Variants in ANKS1B observed in about 807,000 individuals in gnomAD.
ANKS1B encodes the protein ankyrin repeat and sterile alpha motif domain-containing protein 1B.
A neutral mutation model predicts 148.3 loss-of-function variants in ANKS1B; 36 were observed. The ratio of observed to expected loss-of-function variants is 0.24; its 90% confidence interval spans 0.19 to 0.32. The LOEUF is 0.32. Ranked by LOEUF, ANKS1B falls within the 10% of genes least tolerant of loss-of-function variation. The pLI, the probability that ANKS1B is intolerant of heterozygous loss-of-function variation, is 1.00. For synonymous variants in ANKS1B, 542 were observed against 560.8 expected (o/e 0.97, Z 0.47); for missense variants, 1,157 against 1,542.6 (o/e 0.75, Z 4.19).
intron 9 of ANKS1B, among the ~76,000 whole-genome samples, chr12:99,614,223 C>A (rs986025849): frequency 2.6e-5 from 4 of 151,910 alleles, no homozygotes; most frequent in African/African-American, 9.7e-5. Context: ...TCACCTGAGG[C>A]TGAGAGTTCG....
chr12:99,341,138 T>C (rs1485775319), intron 12 of ANKS1B: 1 of 152,138 alleles, frequency 6.6e-6, no homozygotes, highest in African/African-American at 2.4e-5. Context: ...GTCACAGTCT[T>C]TGTGTTCAGG....
intron 22 of ANKS1B, chr12:98,795,656 A>C (rs2098941570): frequency 2.2e-6 from 1 of 452,552 alleles, no homozygotes; most frequent in Non-Finnish European, 4.4e-6. Flanking sequence ...ACATAAAATA[A>C]GCCATTTAAA....
intron 10 of ANKS1B, among the ~76,000 whole-genome samples, chr12:99,487,690 T>A (rs1046649259): frequency 6.6e-6 from 1 of 152,160 alleles, no homozygotes; most frequent in Non-Finnish European, 1.5e-5. Flanking sequence ...ATATTATGAT[T>A]TCAGATTGTG....
chr12:98,830,688 A>C (rs80053198), intron 18 of ANKS1B, among the ~76,000 whole-genome samples: 267 of 152,292 alleles, frequency 1.8e-3, no homozygotes, highest in African/African-American at 6.3e-3. Context: ...GAAGCAAGCA[A>C]GTGCAGGACA....
At chr12:98,968,250 A>T (rs78954644) in intron 17 of ANKS1B, among the ~76,000 whole-genome samples, 5,254 of 152,284 alleles carry the variant, frequency 0.035, 252 homozygotes, top group African/African-American at 0.11. Flanking sequence ...CTACTGCTCC[A>T]GACTAGTAGT....
rs774763118 is a variant in ANKS1B, at chr12:98,781,217, T to G, written c.3355-14A>C. Reference sequence around the variant, plus strand: ...CTCTGTAGACTTCTGAAATTAAAATTAGAAAGCTGTTAGAGCAGTTTGTGT... The same window carrying G: ...CTCTGTAGACTTCTGAAATTAAAATGAGAAAGCTGTTAGAGCAGTTTGTGT... On this transcript the variant is annotated splice_polypyrimidine_tract_variant and intron_variant, in intron 23 of 26. Transcript: ENST00000683438. The G allele has an allele frequency of 1.3e-6, 2 of 1,534,384 alleles. No homozygotes were observed. The highest frequency in any genetic ancestry group is 1.9e-5 in the Admixed American group (1 of 52,370).
chr12:99,653,452 A>G (rs901984571), intron 9 of ANKS1B, among the ~76,000 whole-genome samples: 8 of 152,298 alleles, frequency 5.3e-5, no homozygotes, highest in Middle Eastern at 3.4e-3. Context: ...GTAAGCTAAT[A>G]AAATACAACT....
At position 99,425,117 on chromosome 12, in the gene ANKS1B, A is replaced by G. The variant is rs1469213945; in HGVS notation, c.1575+18556T>C. On this transcript the variant is annotated intron_variant, in intron 11 of 26. Transcript: ENST00000683438. ...CACAAGTCATTCATTGCTCAATTAA[A>G]TTCCTTTCAATTTAATTCGGCTAAA... Among the ~76,000 whole-genome samples, 2 of 151,898 alleles carry G rather than the reference A, an allele frequency of 1.3e-5. 1 individual carries two copies. Among genetic ancestry groups the G allele is most frequent in the Non-Finnish European group, 2.9e-5 (2 of 67,892 alleles).
chr12:99,339,490 C>T (rs1307115954), intron 12 of ANKS1B, among the ~76,000 whole-genome samples: 3 of 152,070 alleles, frequency 2.0e-5, no homozygotes, highest in Non-Finnish European at 4.4e-5. Context: ...TGTGATTGCT[C>T]ACCTAAATTT....
intron 8 of ANKS1B, among the ~76,000 whole-genome samples, chr12:99,708,910 T>G (rs1237187147): frequency 6.6e-6 from 1 of 152,180 alleles, no homozygotes; most frequent in Admixed American, 6.5e-5. Flanking sequence ...AATTGGAAGC[T>G]GTTCGTCTGT....
chr12:99,757,093 G>A (rs1220340168), intron 8 of ANKS1B, among the ~76,000 whole-genome samples: 1 of 152,024 alleles, frequency 6.6e-6, no homozygotes, highest in African/African-American at 2.4e-5. Context: ...AGCAAAAATT[G>A]ACAAATGGGA....
intron 9 of ANKS1B, among the ~76,000 whole-genome samples, chr12:99,589,889 G>C (rs555852811): frequency 1.3e-5 from 2 of 152,134 alleles, no homozygotes; most frequent in Admixed American, 1.3e-4. Context: ...ACCCTGATTT[G>C]ACTATGACAC....
chr12:99,004,550 C>A (rs538253858), intron 17 of ANKS1B, among the ~76,000 whole-genome samples: 16 of 151,962 alleles, frequency 1.1e-4, no homozygotes, highest in African/African-American at 3.4e-4. Context: ...CAACCCAAGG[C>A]AACCCAAGAT....
chr12:99,441,549 C>A lies in ANKS1B; in HGVS notation c.1575+2124G>T, dbSNP rs116894070. On this transcript the variant is annotated intron_variant, in intron 11 of 26. Transcript: ENST00000683438. Reference sequence around the variant, plus strand: ...AGAGTAGCCTAATTGAAGTTATATTCTTTCTGCAATTATATATAGAGAAAG... The same window carrying A: ...AGAGTAGCCTAATTGAAGTTATATTATTTCTGCAATTATATATAGAGAAAG... Among the ~76,000 whole-genome samples the A allele has an allele frequency of 9.1e-3, 1,384 of 152,012 alleles. 11 individuals are homozygous for A. The highest frequency in any genetic ancestry group is 0.017 in the Middle Eastern group (5 of 294).
In ANKS1B at chr12:99,797,557, C is replaced by A. The variant is rs370652048; in HGVS notation, c.669+8847G>T. Among the ~76,000 whole-genome samples the A allele has an allele frequency of 2.8e-3, 412 of 145,446 alleles. 5 individuals carry two copies. Among genetic ancestry groups the A allele is most frequent in the African/African-American group, 0.01 (398 of 39,328 alleles). On this transcript the variant is annotated intron_variant, in intron 4 of 26. Coordinates refer to ENST00000683438, the MANE Select transcript of ANKS1B (RefSeq NM_001352186.2). The stretch of plus-strand genomic sequence containing the variant: ...ATTTAAATTAATCATTTAAAAAAAA[C>A]AAAATTTCCAAAATCGATAATCATG...
chr12:98,766,903 C>A (rs1593091783), intron 25 of ANKS1B, among the ~76,000 whole-genome samples: 3 of 152,076 alleles, frequency 2.0e-5, no homozygotes, highest in African/African-American at 7.2e-5. Context: ...TCTCCTAGGC[C>A]CAAGAGATCC....
At chr12:99,136,186 T>A (rs550073037) in intron 15 of ANKS1B, among the ~76,000 whole-genome samples, 1 of 152,216 alleles carries the variant, frequency 6.6e-6, no homozygotes, top group African/African-American at 2.4e-5. Flanking sequence ...ACCATCATTA[T>A]CATGGGTGCC....
chr12:99,664,038 ACT>A (rs1251457619), intron 8 of ANKS1B, among the ~76,000 whole-genome samples: 4 of 152,202 alleles, frequency 2.6e-5, no homozygotes, highest in African/African-American at 9.6e-5. Flanking sequence ...AGTAATTAAT[ACT>A]GTTTATTATT....
chr12:99,912,508 C>A (rs759364746), intron 1 of ANKS1B, among the ~76,000 whole-genome samples: 1 of 152,004 alleles, frequency 6.6e-6, no homozygotes, highest in Non-Finnish European at 1.5e-5. Flanking sequence ...CACACCACCA[C>A]GCCTGGCTAA....
Sources: allele counts gnomAD v4.1 joint callset (sites outside exome capture counted in the v4.1 genomes callset), GRCh38; gene constraint gnomAD v4.1.1; transcripts MANE v1.5; gene names NCBI Gene and HGNC (gene_info 2026-07-23, HGNC 2026-07-21).